The following SULT2A1 variants were observed in gnomAD, a reference collection of about 807,000 sequenced individuals.
SULT2A1 encodes the protein sulfotransferase 2A1.
In SULT2A1, 43 loss-of-function variants were observed where a neutral mutation model predicts 33.9. The observed-to-expected ratio is 1.27, with a 90% CI of 1.00 to 1.64. The LOEUF is 1.64. SULT2A1 is among the 40% of genes most tolerant of loss of function. The probability of loss-of-function intolerance (pLI) is 0.00; values close to 1 mark genes in which losing one functional copy is unlikely to be tolerated. For synonymous variants in SULT2A1, 125 were observed against 113.6 expected (o/e 1.10, Z -0.64); for missense variants, 300 against 335.1 (o/e 0.90, Z 0.82).
chr19:47,883,138 A>C (rs62529858), intron 2 of SULT2A1, among the ~76,000 whole-genome samples: 2,735 of 152,042 alleles, frequency 0.018, 68 homozygotes, highest in African/African-American at 0.063. Flanking sequence ...GGGGCAGTCA[A>C]CCTGGATACA....
Position 47,874,664 on chromosome 19 carries a change from CAGA to C in SULT2A1, c.735_737del (p.Leu246del). The C allele has an allele frequency of 6.2e-7, 1 of 1,609,624 alleles. No homozygotes were observed. Among genetic ancestry groups the C allele is most frequent in the Non-Finnish European group, 8.5e-7 (1 of 1,178,116 alleles). On this transcript the variant is annotated inframe_deletion, in exon 5 of 6. Transcript: ENST00000222002. ...CAGAGGATTTTCTTTTACCTTTTCT[CAGA>C]AGTTGTGCTTTGTCCACTACATAAT...
intron 5 of SULT2A1, among the ~76,000 whole-genome samples, chr19:47,873,858 T>C (rs1474641078): frequency 6.7e-6 from 1 of 149,208 alleles, no homozygotes; most frequent in Non-Finnish European, 1.5e-5. Context: ...CTCCTGACCT[T>C]GTGATCCGCC....
rs762821318 is a variant in SULT2A1 at position 47,883,831 on chromosome 19, G to T, written c.137-46C>A. On this transcript the variant is annotated intron_variant, in intron 1 of 5. Transcript: ENST00000222002. ...ATATATAAAATGTACCATCTCAGCC[G>T]GACATGGTGGCTCACGCCTGTAATC... 7.7e-6 allele frequency: 12 copies of T among 1,558,124 alleles called. No homozygotes were observed. In the South Asian group the frequency reaches 9.2e-5, roughly 12 times the overall value.
At position 47,871,411 on chromosome 19, in the gene SULT2A1, G is replaced by T; in HGVS notation, c.*44C>A. 1 of 1,423,160 alleles carries T rather than the reference G, an allele frequency of 7.0e-7. No homozygotes were observed. Among genetic ancestry groups the T allele is most frequent in the Non-Finnish European group, 9.9e-7 (1 of 1,006,422 alleles). The allele number at this position is 1,423,160 out of a possible 1,614,324, so 88.2% of individuals were successfully genotyped here. On this transcript the variant is annotated 3_prime_UTR_variant, in exon 6 of 6. Transcript: ENST00000222002. ...GTCAGGTACATGTACAAGGACAGGAGAATCAATGTCATTCTCCATATAAGA... is the reference window on the plus strand; with the variant it reads ...GTCAGGTACATGTACAAGGACAGGATAATCAATGTCATTCTCCATATAAGA...
Position 47,883,614 on chromosome 19 carries a change from T to A in SULT2A1, c.308A>T (p.Gln103Leu). The change falls in exon 2 of 6, where the codon CAG becomes CTG. Residue 103 changes from glutamine (Q) to leucine (L), a missense_variant. By Grantham distance (113) the Gln-to-Leu change is moderately radical. Transcript: ENST00000222002. ...PRLFSSHLPI[Q>L]LFPKSFFSSK... ...ACTGAAGAAAGACTTGGGGAATAAC[T>A]GGATGGGGAGGTGGGAGGAGAATAA... 1 of 1,614,050 alleles carries A rather than the reference T, an allele frequency of 6.2e-7. No homozygotes were observed. Among genetic ancestry groups the A allele is most frequent in the African/African-American group, 1.3e-5 (1 of 75,024 alleles).
chr19:47,883,911 G>T, intron 1 of SULT2A1, 126 bp from the exon 2 acceptor site: 1 of 821,916 alleles, frequency 1.2e-6, no homozygotes, highest in Non-Finnish European at 1.9e-6. Flanking sequence ...TTCCAGAATA[G>T]CCTGGCCAAG....
intron 5 of SULT2A1, among the ~76,000 whole-genome samples, chr19:47,873,896 T>C (rs1968517423): frequency 6.6e-6 from 1 of 151,766 alleles, no homozygotes; most frequent in African/African-American, 2.4e-5. Context: ...GTGCTGGGAT[T>C]ACAGGCATGA....
At chr19:47,875,774 A>G (rs1387534556) in intron 4 of SULT2A1, among the ~76,000 whole-genome samples, 1 of 152,136 alleles carries the variant, frequency 6.6e-6, no homozygotes, top group Non-Finnish European at 1.5e-5. Flanking sequence ...CGGGTTTCCT[A>G]AGAGACGTTT....
At position 47,886,208 on chromosome 19, in the gene SULT2A1, C is replaced by A; in HGVS notation, c.50G>T (p.Gly17Val). 6.2e-7 allele frequency: 1 copy of A among 1,614,110 alleles called. No individual in the cohort carries two copies. Among genetic ancestry groups the A allele is most frequent in the Admixed American group, 1.7e-5 (1 of 59,984 alleles). ...WFEGIAFPTM[G>V]FRSETLRKVR... ...TTTTCTTAAGGTTTCGGATCTGAAA[C>A]CCATAGTAGGGAAAGCTATGCCTTC... Residue 17 changes from glycine (G) to valine (V), a missense_variant, in exon 1 of 6, where the codon GGT becomes GTT. By Grantham distance (109) the Gly-to-Val change is moderately radical. Coordinates refer to ENST00000222002, the MANE Select transcript of SULT2A1 (RefSeq NM_003167.4).
At chr19:47,882,647 G>A (rs367721851) in intron 2 of SULT2A1, among the ~76,000 whole-genome samples, 3 of 152,240 alleles carry the variant, frequency 2.0e-5, no homozygotes, top group East Asian at 1.9e-4. Context: ...CTTTGGGCCA[G>A]GCATGGTGGC....
intron 3 of SULT2A1, among the ~76,000 whole-genome samples, chr19:47,881,497 C>A (rs1205934526): frequency 6.6e-6 from 1 of 152,060 alleles, no homozygotes; most frequent in Non-Finnish European, 1.5e-5. Context: ...TTTGAGTGTA[C>A]TGAATTAGAG....
At chr19:47,879,381 T>C (rs918951839) in intron 3 of SULT2A1, among the ~76,000 whole-genome samples, 2 of 152,176 alleles carry the variant, frequency 1.3e-5, no homozygotes, top group African/African-American at 2.4e-5. Context: ...TGCCCAAGAC[T>C]GGGTAATTCA....
chr19:47,883,584 T>G lies in SULT2A1; in HGVS notation c.338A>C (p.Lys113Thr), dbSNP rs1201118715. The G allele has an allele frequency of 6.2e-7, 1 of 1,614,044 alleles. No homozygotes were observed. The highest frequency in any genetic ancestry group is 1.7e-5 in the Admixed American group (1 of 59,984). The change falls in exon 2 of 6, where the codon AAG becomes ACG. Residue 113 changes from lysine to threonine, a missense_variant. Lys to Thr is a moderately conservative substitution (Grantham distance 78). Transcript: ENST00000222002. ...QLFPKSFFSS[K>T]AKVIYLMRNP... ...TAACCATTATGCACTGACCTTGGCC[T>G]TGGAACTGAAGAAAGACTTGGGGAA...
intron 5 of SULT2A1, among the ~76,000 whole-genome samples, chr19:47,874,142 G>A (rs1968519471): frequency 6.6e-6 from 1 of 152,094 alleles, no homozygotes; most frequent in South Asian, 2.1e-4. Flanking sequence ...TAACCTTCCC[G>A]GGCGGAACCA....
In SULT2A1 at chr19:47,879,142, G is replaced by A. The variant is rs145764901; in HGVS notation, c.473-12C>T. 174 of 1,554,750 alleles carry A rather than the reference G, an allele frequency of 1.1e-4. No homozygotes were observed. The Middle Eastern group carries it at 1.7e-3, about 15-fold the overall frequency. On this transcript the variant is annotated splice_polypyrimidine_tract_variant and intron_variant, in intron 3 of 5. Coordinates refer to ENST00000222002, the MANE Select transcript of SULT2A1 (RefSeq NM_003167.4). ...TGACCCATATAGCACTGCATGGGGTGGCAGAAAAAGTGATAGGTTACAAAT... is the reference window on the plus strand; with the variant it reads ...TGACCCATATAGCACTGCATGGGGTAGCAGAAAAAGTGATAGGTTACAAAT...
intron 5 of SULT2A1, among the ~76,000 whole-genome samples, chr19:47,872,585 G>T (rs1258584889): frequency 6.6e-6 from 1 of 151,872 alleles, no homozygotes; most frequent in African/African-American, 2.4e-5. Flanking sequence ...TCCAATTCAA[G>T]TTTCTCAGCG....
chr19:47,884,717 A>T (rs1968638369), intron 1 of SULT2A1, among the ~76,000 whole-genome samples: 1 of 150,844 alleles, frequency 6.6e-6, no homozygotes, highest in Admixed American at 6.6e-5. Context: ...GCTGGTCTTG[A>T]ACGCTTGACC....
At chr19:47,875,029 G>A (rs559863377) in intron 4 of SULT2A1, among the ~76,000 whole-genome samples, 195 bp from the exon 5 acceptor site, 3 of 151,912 alleles carry the variant, frequency 2.0e-5, no homozygotes, top group African/African-American at 7.2e-5. Context: ...GGGTGTGGTG[G>A]TGGGCGCCGG....
At chr19:47,878,721 T>A (rs1968572681) in intron 4 of SULT2A1, among the ~76,000 whole-genome samples, 5 of 151,528 alleles carry the variant, frequency 3.3e-5, no homozygotes, top group Admixed American at 3.3e-4. Context: ...TTTATCATCT[T>A]GTCCAGGCTG....
Sources: allele counts gnomAD v4.1 joint callset (sites outside exome capture counted in the v4.1 genomes callset), GRCh38; gene constraint gnomAD v4.1.1; transcripts MANE v1.5; gene names NCBI Gene and HGNC (gene_info 2026-07-23, HGNC 2026-07-21).